The following MAP7 variants were observed in gnomAD, a reference collection of about 807,000 sequenced individuals.
MAP7 encodes microtubule associated protein 7.
MAP7 carries 52 observed loss-of-function variants against 94.8 expected under a neutral mutation model. The ratio of observed to expected loss-of-function variants is 0.55; its 90% CI spans 0.44 to 0.69. The LOEUF is 0.69. Ranked by LOEUF, MAP7 falls within the 30% of genes least tolerant of loss-of-function variation. The probability of loss-of-function intolerance (pLI) is 0.00; values close to 1 mark genes in which losing one functional copy is unlikely to be tolerated. For synonymous variants in MAP7, 350 were observed against 357.0 expected (o/e 0.98, Z 0.22); for missense variants, 940 against 964.6 (o/e 0.97, Z 0.34).
At chr6:136,430,144 A>G (rs959253763) in intron 1 of MAP7, among the ~76,000 whole-genome samples, 1 of 152,236 alleles carries the variant, frequency 6.6e-6, no homozygotes, top group African/African-American at 2.4e-5. Flanking sequence ...ATTCAATTAA[A>G]ATCAATGTGT....
At chr6:136,487,141 G>C (rs1422340429) in intron 1 of MAP7, among the ~76,000 whole-genome samples, 1 of 152,176 alleles carries the variant, frequency 6.6e-6, no homozygotes, top group Non-Finnish European at 1.5e-5. Flanking sequence ...GTGGGGAGAG[G>C]TGGAAAAGTA....
At chr6:136,463,916 T>C (rs1379546107) in intron 1 of MAP7, among the ~76,000 whole-genome samples, 1 of 152,152 alleles carries the variant, frequency 6.6e-6, no homozygotes, top group African/African-American at 2.4e-5. Flanking sequence ...TTAACAAGAT[T>C]TGTAGCTTCT....
chr6:136,424,533 C>T (rs1792547468), intron 1 of MAP7, among the ~76,000 whole-genome samples: 2 of 152,140 alleles, frequency 1.3e-5, no homozygotes, highest in African/African-American at 4.8e-5. Context: ...TACTCTAAAA[C>T]AAAATATAGA....
intron 1 of MAP7, among the ~76,000 whole-genome samples, chr6:136,504,279 G>A (rs922652076): frequency 6.6e-6 from 1 of 152,100 alleles, no homozygotes; most frequent in Non-Finnish European, 1.5e-5. Context: ...TGAGACTACG[G>A]AAGGATACAC....
chr6:136,429,369 C>T (rs1794225211), intron 1 of MAP7, among the ~76,000 whole-genome samples: 1 of 152,178 alleles, frequency 6.6e-6, no homozygotes, highest in Non-Finnish European at 1.5e-5. Context: ...CATTTCCAAA[C>T]ATTTCAGATA....
intron 1 of MAP7, among the ~76,000 whole-genome samples, chr6:136,534,796 T>C (rs1828747699): frequency 1.3e-5 from 2 of 152,176 alleles, no homozygotes; most frequent in Non-Finnish European, 2.9e-5. Flanking sequence ...ATGAACCCTT[T>C]TAATGAGAAC....
chr6:136,447,764 C>A (rs1478658476), intron 1 of MAP7, among the ~76,000 whole-genome samples: 2 of 152,086 alleles, frequency 1.3e-5, no homozygotes, highest in African/African-American at 4.8e-5. Context: ...TCACCTAAAA[C>A]TTTTCTTAAG....
chr6:136,365,328 T>C (rs1409525246), intron 10 of MAP7, among the ~76,000 whole-genome samples: 2 of 152,182 alleles, frequency 1.3e-5, no homozygotes, highest in African/African-American at 2.4e-5. Flanking sequence ...GTAGAAAACT[T>C]TGGAATGAAG....
chr6:136,399,874 T>G (rs1412718650), intron 3 of MAP7, among the ~76,000 whole-genome samples: 1 of 152,150 alleles, frequency 6.6e-6, no homozygotes, highest in Non-Finnish European at 1.5e-5. Flanking sequence ...TAAGAACATC[T>G]AAAGATGGAA....
At chr6:136,521,357 T>A (rs1826360447) in intron 1 of MAP7, among the ~76,000 whole-genome samples, 1 of 152,074 alleles carries the variant, frequency 6.6e-6, no homozygotes, top group Admixed American at 6.6e-5. Flanking sequence ...CTATGGAGGA[T>A]GGGTTGGAAA....
intron 1 of MAP7, among the ~76,000 whole-genome samples, chr6:136,497,362 G>A (rs574106808): frequency 3.9e-5 from 6 of 151,918 alleles, no homozygotes; most frequent in Non-Finnish European, 7.4e-5. Context: ...CCACCGCAGT[G>A]TAAATTGGTA....
At chr6:136,496,264 G>C (rs1239594675) in intron 1 of MAP7, among the ~76,000 whole-genome samples, 3 of 152,190 alleles carry the variant, frequency 2.0e-5, no homozygotes. Context: ...CTAATTACCT[G>C]TGGTTGGAAA....
At chr6:136,382,708 CCAT>C (rs1282534954) in intron 6 of MAP7, among the ~76,000 whole-genome samples, 4 of 152,122 alleles carry the variant, frequency 2.6e-5, no homozygotes, top group Non-Finnish European at 5.9e-5. Context: ...TACAATGACA[CCAT>C]AACTTTTATA....
intron 1 of MAP7, among the ~76,000 whole-genome samples, chr6:136,503,048 C>A (rs184914897): frequency 6.6e-6 from 1 of 152,160 alleles, no homozygotes; most frequent in Admixed American, 6.5e-5. Context: ...CATGCTAATG[C>A]CTTGCATGTG....
At chr6:136,527,606 A>C (rs1583149364) in intron 1 of MAP7, among the ~76,000 whole-genome samples, 1 of 152,340 alleles carries the variant, frequency 6.6e-6, no homozygotes, top group East Asian at 1.9e-4. Flanking sequence ...CTATGGTATT[A>C]GGGTGAGGAT....
chr6:136,431,995 T>C (rs894637272), intron 1 of MAP7, among the ~76,000 whole-genome samples: 2 of 152,156 alleles, frequency 1.3e-5, no homozygotes, highest in African/African-American at 4.8e-5. Flanking sequence ...TGAATGTCGA[T>C]GTGATGCTTA....
At chr6:136,348,566 G>A (rs930248865) in intron 16 of MAP7, among the ~76,000 whole-genome samples, 2 of 152,130 alleles carry the variant, frequency 1.3e-5, no homozygotes, top group East Asian at 1.9e-4. Context: ...TTTGAAGACC[G>A]CACGCTTTGC....
Position 136,362,635 on chromosome 6 carries a change from C to T in MAP7, c.1341G>A (p.Pro447=), listed in dbSNP as rs561051642. The T allele has an allele frequency of 1.5e-5, 24 of 1,611,446 alleles. No individual in the cohort carries two copies. Among genetic ancestry groups the T allele is most frequent in the Admixed American group, 6.7e-5 (4 of 59,736 alleles). The change falls in exon 11 of 18, where the codon CCG becomes CCA. Residue 447 remains proline (P), a synonymous_variant. Transcript: ENST00000354570. ...CTGAGACCATGGCTGGGGTGGGGAC[C>T]GGGGCTGGAGCTGGGGCCGAGGCTG... is the stretch of plus-strand genomic sequence containing the variant. ...PAPASAPAPA[P]VPTPAMVSAP...
In MAP7 at chr6:136,550,105, C is replaced by A. The variant is rs1441606556; in HGVS notation, c.67+237G>T. Reference sequence around the variant, plus strand: ...TGCGGGAAAGTCGCGGTGGAGCGCCCGAGGGCGGCCGCAACCCCGGCCGGG... The same window carrying A: ...TGCGGGAAAGTCGCGGTGGAGCGCCAGAGGGCGGCCGCAACCCCGGCCGGG... On this transcript the variant is annotated intron_variant, in intron 1 of 17. Coordinates refer to ENST00000354570, the MANE Select transcript of MAP7 (RefSeq NM_003980.6). This position sits in a 1 kb window ranked among gnomAD's most constrained non-coding sequence, Gnocchi z 5.1. Among the ~76,000 whole-genome samples the A allele has an allele frequency of 2.0e-5, 3 of 150,950 alleles. No individual in the cohort carries two copies. The East Asian group carries it at 5.9e-4, about 29-fold the overall frequency.
Sources: gnomAD v4.1 joint callset for allele counts (sites outside exome capture counted in the v4.1 genomes callset) on GRCh38, gnomAD v4.1.1 for gene constraint, Gnocchi (gnomAD v3.1) non-coding constraint, MANE v1.5 for transcripts, NCBI Gene and HGNC (gene_info 2026-07-23, HGNC 2026-07-21) for gene names.